Variants in LRRC27 observed in about 807,000 individuals in gnomAD.
The protein encoded by LRRC27 is leucine-rich repeat-containing protein 27.
Under a neutral mutation model 55.0 loss-of-function variants are expected in LRRC27, and 57 were observed. That is an observed-to-expected ratio of 1.04 (90% CI 0.84 to 1.29). The LOEUF (loss-of-function observed/expected upper bound fraction) is 1.29. LRRC27 is among the 50% of genes most tolerant of loss of function. The probability of loss-of-function intolerance (pLI) is 0.00; values close to 1 mark genes in which losing one functional copy is unlikely to be tolerated. For synonymous variants in LRRC27, 278 were observed against 251.9 expected (o/e 1.10, Z -0.98); for missense variants, 721 against 651.5 (o/e 1.11, Z -1.16).
At chr10:132,337,177 A>G in intron 2 of LRRC27, 1 of 1,176,774 alleles carries the variant, frequency 8.5e-7, no homozygotes, top group Non-Finnish European at 1.1e-6. Context: ...CTCAGTAAGC[A>G]GGCGATTTCG....
intron 9 of LRRC27, among the ~76,000 whole-genome samples, chr10:132,364,757 T>TACACCCACCC (rs1564854881): frequency 2.8e-4 from 15 of 54,260 alleles, no homozygotes; most frequent in Non-Finnish European, 4.5e-4. Context: ...CGCCCACACT[T>TACACCCACCC]ACACTCATGC....
chr10:132,347,356 G>A (rs377260702), intron 5 of LRRC27, among the ~76,000 whole-genome samples: 5 of 147,508 alleles, frequency 3.4e-5, no homozygotes, highest in Admixed American at 1.4e-4. Flanking sequence ...GGTGGGGCCC[G>A]TGTGGGAAGG....
Position 132,338,496 on chromosome 10 carries a change from C to G in LRRC27, c.341+801C>G, listed in dbSNP as rs573053938. On this transcript the variant is annotated intron_variant, in intron 3 of 10. Coordinates refer to ENST00000368614, the MANE Select transcript of LRRC27 (RefSeq NM_030626.3). ...CCCTTCCAGGAGTTTCCTTGCATTC[C>G]CACTTGTGGGGTGTAATCCTGCCCA... Among the ~76,000 whole-genome samples the G allele has an allele frequency of 1.8e-4, 27 of 152,202 alleles. No individual in the cohort carries two copies. The South Asian group carries it at 5.0e-3, about 28-fold the overall frequency.
chr10:132,354,199 A>G (rs902880137), intron 7 of LRRC27, among the ~76,000 whole-genome samples: 1 of 152,200 alleles, frequency 6.6e-6, no homozygotes, highest in South Asian at 2.1e-4. Flanking sequence ...CCACACCTTC[A>G]TGGAAGAGAA....
chr10:132,342,512 C>T (rs2260780), intron 4 of LRRC27, among the ~76,000 whole-genome samples: 23,217 of 152,214 alleles, frequency 0.15, 2,186 homozygotes, highest in Non-Finnish European at 0.23. Flanking sequence ...CCATTGGCGC[C>T]GTCACACAGC....
At position 132,360,134 on chromosome 10, in the gene LRRC27, G is replaced by A. The variant is rs559680158; in HGVS notation, c.1171-1323G>A. On this transcript the variant is annotated intron_variant, in intron 8 of 10. Coordinates refer to ENST00000368614, the MANE Select transcript of LRRC27 (RefSeq NM_030626.3). Reference sequence around the variant, plus strand: ...AGCATTTATTTATTTATTTATTTACGAGACAGGCTGAAGTGCAGTGGCACA... The same window carrying A: ...AGCATTTATTTATTTATTTATTTACAAGACAGGCTGAAGTGCAGTGGCACA... Among the ~76,000 whole-genome samples the A allele has an allele frequency of 7.3e-5, 11 of 151,112 alleles. No individual in the cohort carries two copies. In the South Asian group the frequency reaches 8.4e-4, roughly 12 times the overall value.
Position 132,377,355 on chromosome 10 carries a change from C to A in LRRC27, c.*2113C>A, listed in dbSNP as rs976152890. ...GTGATCAATTTTTTTATTTATATCTCTTGTATTAGAGTTTTAGTAATATCT... is the reference window on the plus strand; with the variant it reads ...GTGATCAATTTTTTTATTTATATCTATTGTATTAGAGTTTTAGTAATATCT... On this transcript the variant is annotated 3_prime_UTR_variant, in exon 11 of 11. Coordinates refer to ENST00000368614, the MANE Select transcript of LRRC27 (RefSeq NM_030626.3). 1 of 152,096 alleles carries A rather than the reference C, an allele frequency of 6.6e-6. No homozygotes were observed. Among genetic ancestry groups the A allele is most frequent in the Non-Finnish European group, 1.5e-5 (1 of 68,022 alleles). The allele number at this position is 152,096 out of a possible 1,614,324, so 9.4% of individuals were successfully genotyped here.
rs760825216 is a variant in LRRC27 at position 132,351,595 on chromosome 10, C to G, written c.927-12C>G. On this transcript the variant is annotated splice_polypyrimidine_tract_variant and intron_variant, in intron 6 of 10. Coordinates refer to ENST00000368614, the MANE Select transcript of LRRC27 (RefSeq NM_030626.3). ...TGTTAAACATTCAGCTAAAAACACT[C>G]TGTAATTTTAGAAGGAAGACAGCCT... 1 of 1,609,442 alleles carries G rather than the reference C, an allele frequency of 6.2e-7. No homozygotes were observed. Among genetic ancestry groups the G allele is most frequent in the Non-Finnish European group, 8.5e-7 (1 of 1,178,348 alleles).
At chr10:132,357,861 G>A (rs184719874) in intron 8 of LRRC27, among the ~76,000 whole-genome samples, 81 of 152,270 alleles carry the variant, frequency 5.3e-4, no homozygotes, top group Admixed American at 9.2e-4. Flanking sequence ...ACGGGAGCGC[G>A]CACCTAGTGC....
At chr10:132,373,348 G>T (rs1375777034) in intron 10 of LRRC27, among the ~76,000 whole-genome samples, 1 of 152,154 alleles carries the variant, frequency 6.6e-6, no homozygotes, top group Non-Finnish European at 1.5e-5. Context: ...AGGTGCAGGA[G>T]GGCTCGTCAC....
rs2069403285 is a variant in LRRC27, at chr10:132,380,910, A to T, written c.*5668A>T. Among the ~76,000 whole-genome samples the T allele has an allele frequency of 6.6e-6, 1 of 152,284 alleles. No individual in the cohort carries two copies. Among genetic ancestry groups the T allele is most frequent in the African/African-American group, 2.4e-5 (1 of 41,474 alleles). On this transcript the variant is annotated 3_prime_UTR_variant, in exon 11 of 11. Transcript: ENST00000368614. The stretch of plus-strand genomic sequence containing the variant: ...CCAGCGTAAGGACCATAGTAAAAAA[A>T]TAAGGAAATTTGTGAGCAGGCACAA...
At chr10:132,352,224 T>C (rs1410469073) in intron 7 of LRRC27, among the ~76,000 whole-genome samples, 1 of 105,818 alleles carries the variant, frequency 9.5e-6, no homozygotes, top group Non-Finnish European at 1.9e-5. Flanking sequence ...GTGGGGCAGG[T>C]GCAGCGCTCG....
chr10:132,349,160 T>G (rs1011179328), intron 6 of LRRC27: 2 of 821,646 alleles, frequency 2.4e-6, no homozygotes, highest in East Asian at 5.5e-5. Context: ...AATTGGTGAA[T>G]CTAGATCATG....
Position 132,348,373 on chromosome 10 carries a change from A to G in LRRC27, c.926+17A>G, listed in dbSNP as rs1057178948. 2.5e-6 allele frequency: 4 copies of G among 1,598,034 alleles called. No homozygotes were observed. The highest frequency in any genetic ancestry group is 2.2e-5 in the East Asian group (1 of 44,610). ...CGTTTTCAGGTAAAACTGAAAAGCA[A>G]CGGGGGATTTTCTTGATCTTTGCGA... is the stretch of plus-strand genomic sequence containing the variant. On this transcript the variant is annotated intron_variant, in intron 6 of 10. Transcript: ENST00000368614. The surrounding 1 kb of genome is among the most constrained non-coding windows in gnomAD (Gnocchi z 4.2).
At chr10:132,367,176 G>A (rs2069116038) in intron 10 of LRRC27, among the ~76,000 whole-genome samples, 1 of 152,140 alleles carries the variant, frequency 6.6e-6, no homozygotes, top group Admixed American at 6.5e-5. Flanking sequence ...TTAATCCCTT[G>A]AAAGACAACA....
chr10:132,339,206 G>A (rs565303062), intron 3 of LRRC27, among the ~76,000 whole-genome samples: 5 of 152,202 alleles, frequency 3.3e-5, no homozygotes, highest in Non-Finnish European at 7.3e-5. Flanking sequence ...CAGTTCCTAC[G>A]TGAGGAATGG....
rs548731270 is a variant in LRRC27 at position 132,372,113 on chromosome 10, G to A, written c.1417-2953G>A. The stretch of plus-strand genomic sequence containing the variant: ...AACCAACCAAAGAAGGATGGGAAGT[G>A]GGGGTCGGGGTGCGGTGGCTCACGC... On this transcript the variant is annotated intron_variant, in intron 10 of 10. Transcript: ENST00000368614. This position sits in a 1 kb window ranked among gnomAD's most constrained non-coding sequence, Gnocchi z 4.0. Among the ~76,000 whole-genome samples the A allele has an allele frequency of 6.6e-6, 1 of 152,110 alleles. No individual in the cohort carries two copies. The highest frequency in any genetic ancestry group is 1.5e-5 in the Non-Finnish European group (1 of 68,022).
At chr10:132,361,597 T>C in intron 9 of LRRC27, 22 bp downstream of exon 9, 2 of 1,559,042 alleles carry the variant, frequency 1.3e-6, no homozygotes, top group South Asian at 2.2e-5. Context: ...CAACTGGCAC[T>C]CAGTCCTTCC....
intron 2 of LRRC27, 118 bp from the exon 3 acceptor site, chr10:132,337,447 A>T: frequency 1.4e-6 from 2 of 1,445,478 alleles, no homozygotes; most frequent in Non-Finnish European, 1.8e-6. Flanking sequence ...TTTGTTTTTT[A>T]ACTTAGTATA....
Sources: allele counts gnomAD v4.1 joint callset (sites outside exome capture counted in the v4.1 genomes callset), GRCh38; gene constraint gnomAD v4.1.1; non-coding constraint Gnocchi (gnomAD v3.1); transcripts MANE v1.5; gene names NCBI Gene and HGNC (gene_info 2026-07-23, HGNC 2026-07-21).